Variants in BMF observed in about 807,000 individuals in gnomAD.
The protein encoded by BMF is Bcl2 modifying factor, also known as bcl-2-modifying factor.
Under a neutral mutation model 22.0 loss-of-function variants are expected in BMF, and 10 were observed. The ratio of observed to expected loss-of-function variants is 0.45; its 90% CI spans 0.28 to 0.77. The LOEUF (loss-of-function observed/expected upper bound fraction) is 0.77. Among genes scored for constraint, BMF ranks in the 30% least tolerant of loss-of-function variants. The pLI, the probability that BMF is intolerant of heterozygous loss-of-function variation, is 0.13. For synonymous variants in BMF, 87 were observed against 88.1 expected (o/e 0.99, Z 0.07); for missense variants, 206 against 226.8 (o/e 0.91, Z 0.59).
intron 4 of BMF, among the ~76,000 whole-genome samples, chr15:40,093,551 C>T (rs1480901193): frequency 6.6e-6 from 1 of 152,210 alleles, no homozygotes; most frequent in Non-Finnish European, 1.5e-5. Context: ...AAGCCTCCGG[C>T]CTGCAGCAGC....
Position 40,106,022 on chromosome 15 carries a change from G to C in BMF, c.65C>G (p.Pro22Arg). 1 of 1,613,736 alleles carries C rather than the reference G, an allele frequency of 6.2e-7. No homozygotes were observed. Among genetic ancestry groups the C allele is most frequent in the Middle Eastern group, 1.6e-4 (1 of 6,062 alleles). The change falls in exon 3 of 5, where the codon CCG becomes CGG. Residue 22 changes from proline (P) to arginine (R), a missense_variant. By Grantham distance (103) the Pro-to-Arg change is moderately radical (BLOSUM62 -2). Transcript: ENST00000354670. The surrounding 1 kb of genome is among the most constrained non-coding windows in gnomAD (Gnocchi z 4.1). ...GAGCAAGCTCCCGGGTTGGGTCACC[G>C]GCTCCCCATCCTCTGGTTGGAACAC... Reference protein sequence around the residue: ...DDVFQPEDGEPVTQPGSLLSA... With the variant: ...DDVFQPEDGERVTQPGSLLSA...
chr15:40,091,685 A>G lies in BMF; in HGVS notation c.*102T>C, dbSNP rs145675425. On this transcript the variant is annotated 3_prime_UTR_variant, in exon 5 of 5. Coordinates refer to ENST00000354670, the MANE Select transcript of BMF (RefSeq NM_001003940.2). ...AAAAAAAATTAAAACACAAAATAAC[A>G]ACAAAAAAACAATTTCACAAGACAC... 3.4e-6 allele frequency: 3 copies of G among 873,434 alleles called. No homozygotes were observed. The highest frequency in any genetic ancestry group is 5.3e-6 in the Non-Finnish European group (3 of 562,872). 54.1% of individuals were successfully genotyped at this position (873,434 alleles called of 1,614,324 possible).
At chr15:40,101,050 G>A (rs1043441874) in intron 4 of BMF, among the ~76,000 whole-genome samples, 2 of 152,158 alleles carry the variant, frequency 1.3e-5, no homozygotes, top group African/African-American at 2.4e-5. Context: ...AATCCAGCCC[G>A]CAATGATGGG....
chr15:40,090,174 T>C lies in BMF; in HGVS notation c.*1613A>G, dbSNP rs1356221842. On this transcript the variant is annotated 3_prime_UTR_variant, in exon 5 of 5. Transcript: ENST00000354670. ...ACACAAGCTGAATTCCAGCCTCCAT[T>C]AGCTGCAGGTGCCCTTGTGCAGTGA... 2 of 152,544 alleles carry C rather than the reference T, an allele frequency of 1.3e-5. No homozygotes were observed. The highest frequency in any genetic ancestry group is 2.9e-5 in the Non-Finnish European group (2 of 68,032). 9.4% of individuals were successfully genotyped at this position (152,544 alleles called of 1,614,324 possible). A position where few individuals can be genotyped will look rare whatever the true frequency, so the allele number is the denominator to read the frequency against.
At position 40,105,785 on chromosome 15, in the gene BMF, G is replaced by C. The variant is rs751183685; in HGVS notation, c.292+10C>G. On this transcript the variant is annotated intron_variant, in intron 3 of 4. Coordinates refer to ENST00000354670, the MANE Select transcript of BMF (RefSeq NM_001003940.2). ...TCTATGGGAGGAGTCTTGAGGCTGA[G>C]AGCACTCACCATAAAAGAGTCGCTG... 5.7e-6 allele frequency: 9 copies of C among 1,588,324 alleles called. No homozygotes were observed. The highest frequency in any genetic ancestry group is 4.5e-5 in the East Asian group (2 of 44,496).
chr15:40,097,866 C>A (rs192173960), intron 4 of BMF, among the ~76,000 whole-genome samples: 2 of 152,182 alleles, frequency 1.3e-5, no homozygotes, highest in Non-Finnish European at 2.9e-5. Flanking sequence ...CTCACGAAAT[C>A]CCTGGGAGAT....
At chr15:40,103,122 C>T (rs1185703673) in intron 4 of BMF, among the ~76,000 whole-genome samples, 1 of 152,274 alleles carries the variant, frequency 6.6e-6, no homozygotes, top group Non-Finnish European at 1.5e-5. Flanking sequence ...CAATAGCTCT[C>T]CTCCGACCAC....
chr15:40,098,324 C>A (rs1339931863), intron 4 of BMF, among the ~76,000 whole-genome samples: 5 of 152,302 alleles, frequency 3.3e-5, no homozygotes, highest in South Asian at 4.1e-4. Context: ...TTTTGCACCT[C>A]CACAGCCTGG....
chr15:40,099,501 G>A (rs368890515), intron 4 of BMF, among the ~76,000 whole-genome samples: 6 of 152,256 alleles, frequency 3.9e-5, no homozygotes, highest in South Asian at 4.1e-4. Context: ...AGACTAAGCC[G>A]GGTGCAGTGG....
rs553189680 is a variant in BMF at position 40,088,096 on chromosome 15, T to G, written c.*3691A>C. The G allele has an allele frequency of 1.3e-5, 2 of 152,540 alleles. No individual in the cohort carries two copies. Among genetic ancestry groups the G allele is most frequent in the Non-Finnish European group, 2.9e-5 (2 of 68,008 alleles). The allele number at this position is 152,540 out of a possible 1,614,324, so 9.4% of individuals were successfully genotyped here. On this transcript the variant is annotated 3_prime_UTR_variant, in exon 5 of 5. Coordinates refer to ENST00000354670, the MANE Select transcript of BMF (RefSeq NM_001003940.2). ...GCAGCTACCCTGGGGATGAACAAAA[T>G]GCTACATTCTCACTGGGTCTCCTCG...
At chr15:40,104,465 G>T in intron 3 of BMF, 125 bp from the exon 4 acceptor site, 1 of 1,258,894 alleles carries the variant, frequency 7.9e-7, no homozygotes, top group Non-Finnish European at 1.1e-6. Context: ...ATAGGAGCCA[G>T]CCTGCCTCTA....
At chr15:40,095,745 T>G (rs1370608653) in intron 4 of BMF, among the ~76,000 whole-genome samples, 1 of 151,920 alleles carries the variant, frequency 6.6e-6, no homozygotes, top group East Asian at 1.9e-4. Context: ...TGAATAGAGG[T>G]GAATGCCCCC....
chr15:40,108,800 A>G lies in BMF; in HGVS notation c.-161T>C. On this transcript the variant is annotated 5_prime_UTR_variant, in exon 1 of 5. Transcript: ENST00000354670. Reference sequence around the variant, plus strand: ...GGCTGCGGCAGGAGGCGGGAGGCGCAGGCAGGGGCGGCGGCGGCGGCGGGC... The same window carrying G: ...GGCTGCGGCAGGAGGCGGGAGGCGCGGGCAGGGGCGGCGGCGGCGGCGGGC... 6.5e-6 allele frequency: 1 copy of G among 154,248 alleles called. No individual in the cohort carries two copies. Among genetic ancestry groups the G allele is most frequent in the Non-Finnish European group, 1.4e-5 (1 of 69,050 alleles). The allele number at this position is 154,248 out of a possible 1,614,324, so 9.6% of individuals were successfully genotyped here.
chr15:40,104,673 A>G (rs923340150), intron 3 of BMF, among the ~76,000 whole-genome samples: 1 of 152,234 alleles, frequency 6.6e-6, no homozygotes, highest in African/African-American at 2.4e-5. Flanking sequence ...ACAGTTGGTT[A>G]TTCACGTAGT....
In BMF at chr15:40,091,603, C is replaced by A; in HGVS notation, c.*184G>T. On this transcript the variant is annotated 3_prime_UTR_variant, in exon 5 of 5. Transcript: ENST00000354670. ...AAGGCCCCCATTCCAGGTCAAGGGC[C>A]TGACAGAGAAAGAAGGTCCCGCTTG... 1 of 556,126 alleles carries A rather than the reference C, an allele frequency of 1.8e-6. No homozygotes were observed. The highest frequency in any genetic ancestry group is 2.9e-5 in the East Asian group (1 of 35,022). The allele number at this position is 556,126 out of a possible 1,614,324, so 34.4% of individuals were successfully genotyped here.
chr15:40,101,913 T>A (rs1232632173), intron 4 of BMF, among the ~76,000 whole-genome samples: 5 of 152,064 alleles, frequency 3.3e-5, no homozygotes, highest in Admixed American at 6.5e-5. Flanking sequence ...CTCCTACCCT[T>A]GTAAGTAAGA....
chr15:40,096,993 T>A (rs1336712277), intron 4 of BMF, among the ~76,000 whole-genome samples: 1 of 152,228 alleles, frequency 6.6e-6, no homozygotes, highest in Non-Finnish European at 1.5e-5. Flanking sequence ...GAAGTTTTCC[T>A]CCCTCTTCCC....
intron 4 of BMF, among the ~76,000 whole-genome samples, chr15:40,102,501 G>GC (rs1225947464): frequency 6.6e-6 from 1 of 151,854 alleles, no homozygotes; most frequent in East Asian, 1.9e-4. Flanking sequence ...AGTTAGGAGG[G>GC]CCCCCAGGAC....
chr15:40,098,238 G>C (rs2036405552), intron 4 of BMF, among the ~76,000 whole-genome samples: 1 of 152,220 alleles, frequency 6.6e-6, no homozygotes, highest in Non-Finnish European at 1.5e-5. Context: ...GAAGACACTG[G>C]CTCCAGCCAC....
Sources: gnomAD v4.1 joint callset for allele counts (sites outside exome capture counted in the v4.1 genomes callset) on GRCh38, gnomAD v4.1.1 for gene constraint, Gnocchi (gnomAD v3.1) non-coding constraint, MANE v1.5 for transcripts, NCBI Gene and HGNC (gene_info 2026-07-23, HGNC 2026-07-21) for gene names.